Variants in MTUS1 observed in about 807,000 individuals in gnomAD.
MTUS1 encodes the protein microtubule associated scaffold protein 1, also known as microtubule-associated tumor suppressor 1.
Under a neutral mutation model 120.8 loss-of-function variants are expected in MTUS1, and 109 were observed. The ratio of observed to expected loss-of-function variants is 0.90; its 90% CI spans 0.77 to 1.06. The LOEUF (loss-of-function observed/expected upper bound fraction) is 1.06, where lower values mean the gene tolerates loss of function less well. Ranked by LOEUF, MTUS1 falls within the 50% of genes least tolerant of loss-of-function variation. The pLI is 0.00. For synonymous variants in MTUS1, 737 were observed against 550.5 expected (o/e 1.34, Z -4.74); for missense variants, 2,210 against 1,486.3 (o/e 1.49, Z -8.01).
chr8:17,740,293 C>T (rs1414648400), intron 3 of MTUS1, among the ~76,000 whole-genome samples: 8 of 152,088 alleles, frequency 5.3e-5, no homozygotes, highest in Non-Finnish European at 7.4e-5. Context: ...TTTAAAGCTT[C>T]AAGAAAATGG....
At chr8:17,788,563 T>A (rs2051503384) in intron 1 of MTUS1, among the ~76,000 whole-genome samples, 1 of 152,184 alleles carries the variant, frequency 6.6e-6, no homozygotes, top group African/African-American at 2.4e-5. Flanking sequence ...AGCCACAGAC[T>A]AAACCACCAC....
chr8:17,750,584 C>T (rs1397327929), intron 2 of MTUS1, among the ~76,000 whole-genome samples: 1 of 152,136 alleles, frequency 6.6e-6, no homozygotes, highest in African/African-American at 2.4e-5. Flanking sequence ...TACTATTTAC[C>T]AGCTGTGTGA....
chr8:17,753,962 C>A lies in MTUS1; in HGVS notation c.1846G>T (p.Asp616Tyr). The A allele has an allele frequency of 6.2e-7, 1 of 1,614,196 alleles. No individual in the cohort carries two copies. The highest frequency in any genetic ancestry group is 8.5e-7 in the Non-Finnish European group (1 of 1,180,038). ...GCTGAGTTAGAAGAACTGGCTTTGT[C>A]AACATCTTCCTGATTCGATTTCACG... ...SAVKSNQEDV[D>Y]KASSSNSACE... The change falls in exon 2 of 15, where the codon GAC (aspartate) becomes TAC (tyrosine). Residue 616 changes from aspartate (D) to tyrosine (Y), a missense_variant. Asp to Tyr is a radical substitution (Grantham distance 160, BLOSUM62 -3). Transcript: ENST00000693296.
At chr8:17,711,231 T>A (rs1169877295) in intron 6 of MTUS1, among the ~76,000 whole-genome samples, 1 of 152,204 alleles carries the variant, frequency 6.6e-6, no homozygotes, top group Non-Finnish European at 1.5e-5. Context: ...CTTCTCCTGT[T>A]TACCTGTGCA....
intron 8 of MTUS1, among the ~76,000 whole-genome samples, chr8:17,671,684 T>A (rs997709621): frequency 6.6e-6 from 1 of 152,230 alleles, no homozygotes; most frequent in Non-Finnish European, 1.5e-5. Flanking sequence ...TCAGTGCTCC[T>A]GAGTTTATGA....
chr8:17,681,337 T>G (rs973694878), intron 7 of MTUS1, among the ~76,000 whole-genome samples: 2 of 152,196 alleles, frequency 1.3e-5, no homozygotes, highest in South Asian at 2.1e-4. Context: ...GTAGGTATTG[T>G]GGGCAAGGAC....
At chr8:17,674,696 A>C in intron 8 of MTUS1, 1 of 987,782 alleles carries the variant, frequency 1.0e-6, no homozygotes, top group Non-Finnish European at 1.2e-6. Context: ...GCCCCCCTCC[A>C]AATAGTAAGA....
At chr8:17,675,686 T>C (rs1812958442) in intron 7 of MTUS1, among the ~76,000 whole-genome samples, 1 of 152,156 alleles carries the variant, frequency 6.6e-6, no homozygotes, top group African/African-American at 2.4e-5. Context: ...TATTTGCACA[T>C]AAAAAAGTTT....
chr8:17,718,099 TTC>T (rs1241264946), intron 4 of MTUS1, among the ~76,000 whole-genome samples: 1 of 152,200 alleles, frequency 6.6e-6, no homozygotes, highest in Non-Finnish European at 1.5e-5. Context: ...TTCTCTCAAT[TTC>T]TACTTACTGT....
At chr8:17,742,472 A>G (rs1407269767) in intron 3 of MTUS1, among the ~76,000 whole-genome samples, 1 of 151,476 alleles carries the variant, frequency 6.6e-6, no homozygotes, top group African/African-American at 2.4e-5. Context: ...CAATATCCCA[A>G]ATAAGAATCA....
At chr8:17,735,830 T>G (rs989494763) in intron 3 of MTUS1, among the ~76,000 whole-genome samples, 21 of 152,210 alleles carry the variant, frequency 1.4e-4, no homozygotes, top group Non-Finnish European at 1.6e-4. Context: ...AACTAAGAGC[T>G]GAACTCTATC....
intron 1 of MTUS1, among the ~76,000 whole-genome samples, chr8:17,773,379 A>G (rs1054639703): frequency 6.6e-6 from 1 of 152,192 alleles, no homozygotes; most frequent in African/African-American, 2.4e-5. Flanking sequence ...CAAGCCAAAA[A>G]GCCCAGTGTC....
intron 8 of MTUS1, chr8:17,674,481 C>T (rs1812659623): frequency 1.0e-6 from 1 of 985,214 alleles, no homozygotes; most frequent in Non-Finnish European, 1.2e-6. Flanking sequence ...AGTGTCGTGT[C>T]TGTTCCATGA....
intron 6 of MTUS1, among the ~76,000 whole-genome samples, chr8:17,700,359 A>T (rs1343326529): frequency 6.6e-6 from 1 of 151,076 alleles, no homozygotes; most frequent in Non-Finnish European, 1.5e-5. Context: ...AATCCCAGCT[A>T]CTCAGGAAGC....
chr8:17,794,603 C>T (rs537903409), intron 1 of MTUS1, among the ~76,000 whole-genome samples: 7 of 152,296 alleles, frequency 4.6e-5, no homozygotes, highest in East Asian at 1.9e-4. Flanking sequence ...GCAAGGAGGA[C>T]TTCTGCAATC....
chr8:17,679,348 T>TGC (rs71848132), intron 7 of MTUS1, among the ~76,000 whole-genome samples: 239 of 139,862 alleles, frequency 1.7e-3, no homozygotes, highest in East Asian at 2.7e-3. Context: ...TATGCATGTG[T>TGC]GCGCGCGCGT....
intron 5 of MTUS1, among the ~76,000 whole-genome samples, chr8:17,714,086 G>GGGCTTTAT (rs943934249): frequency 1.3e-5 from 2 of 151,940 alleles, no homozygotes; most frequent in Non-Finnish European, 2.9e-5. Context: ...GTGGATCATG[G>GGGCTTTAT]GGCTTTATCA....
rs1253904550 is a variant in MTUS1, at chr8:17,710,507, A to G, written c.2623+2707T>C. On this transcript the variant is annotated intron_variant, in intron 6 of 14. Coordinates refer to ENST00000693296, the MANE Select transcript of MTUS1 (RefSeq NM_001363059.2). ...GCAATGCAGTCACACCTTAGGCTTC[A>G]CTTCTCATTCTAGTTCTCATCCTAT... 2.0e-5 allele frequency among the ~76,000 whole-genome samples: 3 copies of G among 152,202 alleles called. No homozygotes were observed. The East Asian group carries it at 5.8e-4, about 29-fold the overall frequency.
chr8:17,675,083 G>A, intron 8 of MTUS1, 103 bp downstream of exon 8: 1 of 1,573,752 alleles, frequency 6.4e-7, no homozygotes, highest in South Asian at 1.2e-5. Flanking sequence ...AGTGCCAACA[G>A]CTCCCAGCAT....
Sources: allele counts gnomAD v4.1 joint callset (sites outside exome capture counted in the v4.1 genomes callset), GRCh38; gene constraint gnomAD v4.1.1; transcripts MANE v1.5; gene names NCBI Gene and HGNC (gene_info 2026-07-23, HGNC 2026-07-21).